The following ITGAX variants were observed in gnomAD, a reference collection of about 807,000 sequenced individuals.
ITGAX encodes integrin alpha-X.
A neutral mutation model predicts 140.2 loss-of-function variants in ITGAX; 99 were observed. The observed-to-expected ratio is 0.71, with a 90% CI of 0.60 to 0.83. ITGAX has a LOEUF of 0.83. Ranked by LOEUF, ITGAX falls within the 40% of genes least tolerant of loss-of-function variation. The pLI is 0.00. For synonymous variants in ITGAX, 631 were observed against 600.4 expected (o/e 1.05, Z -0.75); for missense variants, 1,444 against 1,482.0 (o/e 0.97, Z 0.42).
chr16:31,367,633 T>C lies in ITGAX; in HGVS notation c.1711-3451T>C, dbSNP rs542060528. 1.6e-4 allele frequency among the ~76,000 whole-genome samples: 25 copies of C among 152,244 alleles called. 1 individual carries two copies. In the South Asian group the frequency reaches 5.2e-3, roughly 32 times the overall value. ...TCTGGAGACCTGCTGCTCAGAAAAA[T>C]AGATTTCTTTCCAAAGTTTGCTGCT... On this transcript the variant is annotated intron_variant, in intron 14 of 29. Coordinates refer to ENST00000268296, the MANE Select transcript of ITGAX (RefSeq NM_000887.5).
chr16:31,371,670 C>A lies in ITGAX; in HGVS notation c.2046C>A (p.Asp682Glu), dbSNP rs1465803425. The change falls in exon 17 of 30, where the codon GAC (aspartate) becomes GAA (glutamate). Residue 682 changes from aspartate (D) to glutamate (E), a missense_variant. Coordinates refer to ENST00000268296, the MANE Select transcript of ITGAX (RefSeq NM_000887.5). ...CTGTGACCTTGGACCTGGCCCTCGA[C>A]CCTGGCCGCCTGAGTCCCCGTGCCA... is the stretch of plus-strand genomic sequence containing the variant. ...QSSVTLDLAL[D>E]PGRLSPRATF... is the part of the protein sequence containing the mutation. The A allele has an allele frequency of 6.2e-7, 1 of 1,614,050 alleles. No individual in the cohort carries two copies. The highest frequency in any genetic ancestry group is 1.3e-5 in the African/African-American group (1 of 74,928).
intron 14 of ITGAX, among the ~76,000 whole-genome samples, chr16:31,369,420 T>G (rs568969482): frequency 3.3e-5 from 5 of 152,214 alleles, no homozygotes; most frequent in Non-Finnish European, 7.3e-5. Context: ...GAAGCTCTAC[T>G]GTGGCCAAAT....
Position 31,382,950 on chromosome 16 carries a change from G to A in ITGAX, c.*1043G>A, listed in dbSNP as rs765540382. 14 of 162,542 alleles carry A rather than the reference G, an allele frequency of 8.6e-5. No homozygotes were observed. The highest frequency in any genetic ancestry group is 6.7e-5 in the Non-Finnish European group (5 of 74,544). 10.1% of individuals were successfully genotyped at this position (162,542 alleles called of 1,614,324 possible). Reference sequence around the variant, plus strand: ...ACATGCACAAAAAGATGCATCTACCGCTCTTGGGAAATATGTCAAAGGTCT... The same window carrying A: ...ACATGCACAAAAAGATGCATCTACCACTCTTGGGAAATATGTCAAAGGTCT... On this transcript the variant is annotated 3_prime_UTR_variant, in exon 30 of 30. Coordinates refer to ENST00000268296, the MANE Select transcript of ITGAX (RefSeq NM_000887.5).
chr16:31,370,936 T>G (rs550041603), intron 14 of ITGAX, 148 bp from the exon 15 acceptor site: 1 of 964,308 alleles, frequency 1.0e-6, no homozygotes, highest in African/African-American at 1.6e-5. Flanking sequence ...TCCTACCTCC[T>G]CTTTTCAGGT....
chr16:31,373,202 GC>G (rs2080988583), intron 19 of ITGAX, 46 bp from the exon 20 acceptor site: 1 of 1,337,434 alleles, frequency 7.5e-7, no homozygotes, highest in South Asian at 1.2e-5. Context: ...ACCATTTCTA[GC>G]CTCAGTCACA....
intron 3 of ITGAX, 145 bp from the exon 4 acceptor site, chr16:31,356,886 C>T (rs141210290): frequency 1.2e-5 from 10 of 824,036 alleles, no homozygotes; most frequent in African/African-American, 1.7e-5. Context: ...CCCCGCCCAT[C>T]GCACTCCCGC....
intron 14 of ITGAX, among the ~76,000 whole-genome samples, chr16:31,364,624 T>C (rs1348260469): frequency 1.3e-5 from 2 of 152,042 alleles, no homozygotes; most frequent in African/African-American, 2.4e-5. Context: ...TGACAGGTGT[T>C]GGTGAGGATG....
rs552106264 is a variant in ITGAX at position 31,380,571 on chromosome 16, G to A, written c.3223G>A (p.Asp1075Asn). The A allele has an allele frequency of 3.7e-6, 6 of 1,614,248 alleles. No homozygotes were observed. Among genetic ancestry groups the A allele is most frequent in the East Asian group, 2.2e-5 (1 of 44,888 alleles). ...CGTGAGTGTGGCTGAAATTACGTTC[G>A]ACACATCCGTGTACTCCCAGCTTCC... is the stretch of plus-strand genomic sequence containing the variant. ...SVVSVAEITF[D>N]TSVYSQLPGQ... Residue 1075 changes from aspartate (D) to asparagine (N), a missense_variant, in exon 28 of 30, where the codon GAC becomes AAC. By Grantham distance (23) the Asp-to-Asn change is conservative (BLOSUM62 1). Transcript: ENST00000268296.
chr16:31,360,497 G>A (rs1299944133), intron 8 of ITGAX, 34 bp downstream of exon 8: 6 of 1,572,626 alleles, frequency 3.8e-6, no homozygotes, highest in African/African-American at 1.4e-5. Context: ...CTTCTCCCAC[G>A]GCTTCCTCTC....
chr16:31,366,156 A>G (rs1489932728), intron 14 of ITGAX, among the ~76,000 whole-genome samples: 1 of 152,204 alleles, frequency 6.6e-6, no homozygotes, highest in Non-Finnish European at 1.5e-5. Context: ...GAGCAAGTCT[A>G]TCAGTGCTGT....
At chr16:31,379,496 C>T (rs1243171091) in intron 23 of ITGAX, 72 bp from the exon 24 acceptor site, 1 of 1,429,928 alleles carries the variant, frequency 7.0e-7, no homozygotes, top group Non-Finnish European at 9.6e-7. Context: ...CCTGTCCTCT[C>T]ATGCTCTAGC....
Position 31,382,717 on chromosome 16 carries a change from C to A in ITGAX, c.*810C>A, listed in dbSNP as rs537714729. 2 of 548,742 alleles carry A rather than the reference C, an allele frequency of 3.6e-6. No individual in the cohort carries two copies. The highest frequency in any genetic ancestry group is 6.5e-6 in the Non-Finnish European group (2 of 305,904). The allele number at this position is 548,742 out of a possible 1,614,324, so 34.0% of individuals were successfully genotyped here. A position where few individuals can be genotyped will look rare whatever the true frequency, so the allele number is the denominator to read the frequency against. On this transcript the variant is annotated 3_prime_UTR_variant, in exon 30 of 30. Transcript: ENST00000268296. ...TGGGTTCTGCACAGCTGGCCTCCCG[C>A]GTTGGGCAACATTGCTGGCTGGAAG...
At position 31,371,800 on chromosome 16, in the gene ITGAX, A is replaced by G. The variant is rs781178035; in HGVS notation, c.2160+16A>G. The G allele has an allele frequency of 3.8e-5, 61 of 1,612,772 alleles. No individual in the cohort carries two copies. The highest frequency in any genetic ancestry group is 5.1e-5 in the Non-Finnish European group (60 of 1,179,514). On this transcript the variant is annotated intron_variant, in intron 17 of 29. Transcript: ENST00000268296. ...GCTGCTCCCGGTGCGTCTGGGCATG[A>G]ACGTGGGTGGCGGCCGCGCTGGGGC...
rs779366354 is a variant in ITGAX at position 31,373,351 on chromosome 16, C to T, written c.2469C>T (p.His823=). 6 of 1,613,350 alleles carry T rather than the reference C, an allele frequency of 3.7e-6. No individual in the cohort carries two copies. The African/African-American group carries it at 6.7e-5, about 18-fold the overall frequency. Residue 823 remains histidine, a synonymous_variant, in exon 20 of 30, where the codon CAC becomes CAT. Transcript: ENST00000268296. ...ACGGAACCACCATCACCTTCTCCCA[C>T]CCCGCAGGACTGTCCTACCGCTACG... The part of the protein sequence containing the change: ...DSYGTTITFS[H]PAGLSYRYVA...
chr16:31,357,282 C>T lies in ITGAX; in HGVS notation c.348C>T (p.Cys116=), dbSNP rs756474155. Residue 116 remains cysteine, a synonymous_variant, in exon 5 of 30, where the codon TGC becomes TGT. Transcript: ENST00000268296. The part of the protein sequence containing the change: ...LACGPTVHHE[C]GRNMYLTGLC... Reference sequence around the variant, plus strand: ...GCGGCCCCACCGTGCACCACGAGTGCGGGAGGAACATGTACCTCACCGGAC... The same window carrying T: ...GCGGCCCCACCGTGCACCACGAGTGTGGGAGGAACATGTACCTCACCGGAC... The T allele has an allele frequency of 6.2e-6, 10 of 1,607,420 alleles. No homozygotes were observed. Among genetic ancestry groups the T allele is most frequent in the African/African-American group, 2.7e-5 (2 of 74,728 alleles).
intron 5 of ITGAX, among the ~76,000 whole-genome samples, chr16:31,358,880 C>T (rs914953438): frequency 7.4e-5 from 11 of 148,516 alleles, no homozygotes; most frequent in African/African-American, 1.5e-4. Flanking sequence ...TGCAGTGGTA[C>T]AATCACAGCT....
In ITGAX at chr16:31,380,266, G is replaced by A; in HGVS notation, c.3061G>A (p.Asp1021Asn). 1 of 1,613,760 alleles carries A rather than the reference G, an allele frequency of 6.2e-7. No homozygotes were observed. The highest frequency in any genetic ancestry group is 8.5e-7 in the Non-Finnish European group (1 of 1,179,858). Residue 1021 changes from aspartate to asparagine, a missense_variant and splice_region_variant, in exon 27 of 30, where the codon GAC becomes AAC. Coordinates refer to ENST00000268296, the MANE Select transcript of ITGAX (RefSeq NM_000887.5). ...CCCCATGCTATTTATCTGCCCCCAG[G>A]ACTGCTCCATTGCTGGCTGCCTGCG... ...LAHIQKNPVL[D>N]CSIAGCLRFR...
At chr16:31,380,839 G>C in intron 28 of ITGAX, 58 bp from the exon 29 acceptor site, 1 of 1,485,214 alleles carries the variant, frequency 6.7e-7, no homozygotes, top group Non-Finnish European at 9.4e-7. Flanking sequence ...GGGAGCCTGG[G>C]AGGAGTCTGG....
intron 14 of ITGAX, among the ~76,000 whole-genome samples, chr16:31,368,374 T>C (rs914395935): frequency 6.6e-6 from 1 of 151,410 alleles, no homozygotes; most frequent in African/African-American, 2.4e-5. Flanking sequence ...GGCAGATGTC[T>C]GTAATCCCAG....
Sources: gnomAD v4.1 joint callset for allele counts (sites outside exome capture counted in the v4.1 genomes callset) on GRCh38, gnomAD v4.1.1 for gene constraint, MANE v1.5 for transcripts, NCBI Gene and HGNC (gene_info 2026-07-23, HGNC 2026-07-21) for gene names.